GLI2: variants seen among roughly 807,000 people sequenced by gnomAD.
GLI2 encodes the protein transcription activator GLI2.
In GLI2, 22 loss-of-function variants were observed where a neutral mutation model predicts 78.9. The observed-to-expected ratio is 0.28, with a 90% CI of 0.20 to 0.40. GLI2 has a LOEUF of 0.40. Among genes scored for constraint, GLI2 ranks in the 10% least tolerant of loss-of-function variants. The pLI is 1.00. For synonymous variants in GLI2, 974 were observed against 963.7 expected, an observed-to-expected ratio of 1.01 and a Z score of -0.20; for missense variants, 2,097 against 2,213.2, an observed-to-expected ratio of 0.95 and a Z score of 1.05.
At chr2:120,952,843 A>T (rs1318036471) in intron 4 of GLI2, among the ~76,000 whole-genome samples, 1 of 152,210 alleles carries the variant, frequency 6.6e-6, no homozygotes, top group African/African-American at 2.4e-5. Context: ...CTGGGATTAT[A>T]GGTGTGAGCC....
At chr2:120,924,273 G>A (rs997100528) in intron 2 of GLI2, among the ~76,000 whole-genome samples, 3 of 152,184 alleles carry the variant, frequency 2.0e-5, no homozygotes, top group African/African-American at 7.2e-5. Flanking sequence ...GTTAACTAAA[G>A]TACATAGCAA....
intron 2 of GLI2, among the ~76,000 whole-genome samples, chr2:120,922,538 C>T (rs1475628049): frequency 2.0e-5 from 3 of 152,178 alleles, no homozygotes; most frequent in Non-Finnish European, 4.4e-5. Flanking sequence ...TAGAGTCCCA[C>T]CACCCTGAGC....
Position 120,988,731 on chromosome 2 carries a change from T to C in GLI2, c.2766T>C (p.Arg922=), listed in dbSNP as rs1192212133. Residue 922 remains arginine (R), a synonymous_variant, in exon 14 of 14, where the codon CGT becomes CGC. Transcript: ENST00000361492. ...AGCPRPLGPR[R]GSDGPTYGHG... Reference sequence around the variant, plus strand: ...GCCCACGCCCACTGGGGCCGCGGCGTGGCAGCGACGGGCCGACCTATGGCC... The same window carrying C: ...GCCCACGCCCACTGGGGCCGCGGCGCGGCAGCGACGGGCCGACCTATGGCC... 80 of 1,196,606 alleles carry C rather than the reference T, an allele frequency of 6.7e-5. No homozygotes were observed. The highest frequency in any genetic ancestry group is 8.2e-5 in the Non-Finnish European group (79 of 963,596). The allele number at this position is 1,196,606 out of a possible 1,614,324, so 74.1% of individuals were successfully genotyped here. A position where few individuals can be genotyped will look rare whatever the true frequency, so the allele number is the denominator to read the frequency against.
chr2:120,932,737 G>A (rs1427329476), intron 3 of GLI2, among the ~76,000 whole-genome samples: 1 of 152,222 alleles, frequency 6.6e-6, no homozygotes, highest in Non-Finnish European at 1.5e-5. Flanking sequence ...CAATGGATAT[G>A]AGCAACAATC....
At chr2:120,892,707 T>A (rs112109762) in intron 2 of GLI2, among the ~76,000 whole-genome samples, 75 of 152,346 alleles carry the variant, frequency 4.9e-4, no homozygotes, top group South Asian at 4.1e-3. Context: ...AACTGGTGTG[T>A]AAATACCCCA....
intron 1 of GLI2, among the ~76,000 whole-genome samples, chr2:120,793,635 G>A (rs1228180667): frequency 6.6e-6 from 1 of 152,176 alleles, no homozygotes; most frequent in African/African-American, 2.4e-5. Context: ...GTGGGAAGGC[G>A]AGGCCACGGA....
intron 2 of GLI2, among the ~76,000 whole-genome samples, chr2:120,859,549 G>A (rs1687811856): frequency 1.3e-5 from 2 of 150,908 alleles, no homozygotes; most frequent in Admixed American, 6.6e-5. Context: ...CTGCCTCCCG[G>A]GTTCAAGTGA....
chr2:120,741,426 C>A (rs1020607932), intron 1 of GLI2, among the ~76,000 whole-genome samples: 2 of 151,942 alleles, frequency 1.3e-5, no homozygotes, highest in Non-Finnish European at 2.9e-5. Flanking sequence ...CCCTTTCTCT[C>A]TCTTCTGTCC....
At chr2:120,829,674 C>T (rs1054587614) in intron 2 of GLI2, among the ~76,000 whole-genome samples, 2 of 152,226 alleles carry the variant, frequency 1.3e-5, no homozygotes, top group Non-Finnish European at 2.9e-5. Flanking sequence ...CATCCGTTCT[C>T]CAAGTGCTGA....
intron 2 of GLI2, among the ~76,000 whole-genome samples, chr2:120,804,474 G>A (rs908792194): frequency 4.6e-5 from 7 of 152,240 alleles, no homozygotes; most frequent in Non-Finnish European, 1.0e-4. Flanking sequence ...GAGGCTGGCC[G>A]TGGTCTTTGG....
chr2:120,750,928 G>C (rs569709605), intron 1 of GLI2, among the ~76,000 whole-genome samples: 13 of 152,362 alleles, frequency 8.5e-5, no homozygotes, highest in African/African-American at 2.6e-4. Context: ...GGATGCCCCG[G>C]TACCGCCTGC....
At chr2:120,832,756 G>C (rs1243534985) in intron 2 of GLI2, among the ~76,000 whole-genome samples, 1 of 152,182 alleles carries the variant, frequency 6.6e-6, no homozygotes, top group Non-Finnish European at 1.5e-5. Flanking sequence ...GTGATGGGCA[G>C]GTCACGTCAC....
intron 2 of GLI2, among the ~76,000 whole-genome samples, chr2:120,806,740 G>T (rs776086738): frequency 2.0e-5 from 3 of 152,214 alleles, no homozygotes; most frequent in Non-Finnish European, 4.4e-5. Context: ...GGTCCCGGAG[G>T]CTCCACTGAA....
At chr2:120,865,624 C>T (rs1358494690) in intron 2 of GLI2, among the ~76,000 whole-genome samples, 3 of 152,142 alleles carry the variant, frequency 2.0e-5, no homozygotes, top group African/African-American at 2.4e-5. Context: ...TGTAAGTGAC[C>T]GGGACAAACC....
chr2:120,898,215 C>CACACACACAA (rs1447294546), intron 2 of GLI2, among the ~76,000 whole-genome samples: 8 of 150,936 alleles, frequency 5.3e-5, no homozygotes, highest in African/African-American at 1.9e-4. Context: ...CACACACACA[C>CACACACACAA]AAAATGATTG....
At chr2:120,770,774 G>C (rs1277066592) in intron 1 of GLI2, among the ~76,000 whole-genome samples, 1 of 152,180 alleles carries the variant, frequency 6.6e-6, no homozygotes, top group Non-Finnish European at 1.5e-5. Context: ...CAGCGGGCCA[G>C]GTGCCTGTTG....
rs182730306 is a variant in GLI2 at position 120,861,573 on chromosome 2, G to A, written c.148+64105G>A. Among the ~76,000 whole-genome samples the A allele has an allele frequency of 3.3e-5, 5 of 152,352 alleles. No individual in the cohort carries two copies. In the East Asian group the frequency reaches 9.6e-4, roughly 29 times the overall value. ...CAAGTGGTTCAGTCTCCAAGCCTGG[G>A]CTGCTCTTGGGCCCTCTTGAGAATT... On this transcript the variant is annotated intron_variant, in intron 2 of 13. Coordinates refer to ENST00000361492, the MANE Select transcript of GLI2 (RefSeq NM_001374353.1).
At chr2:120,833,837 A>G (rs956448916) in intron 2 of GLI2, among the ~76,000 whole-genome samples, 14 of 152,208 alleles carry the variant, frequency 9.2e-5, no homozygotes, top group East Asian at 7.7e-4. Context: ...AGTAGAACCC[A>G]CAAACCCAGT....
intron 2 of GLI2, among the ~76,000 whole-genome samples, chr2:120,845,710 A>G (rs896074374): frequency 9.9e-5 from 15 of 152,178 alleles, no homozygotes; most frequent in African/African-American, 2.7e-4. Context: ...CCTGATTGGA[A>G]TCATGGGATG....
Sources: allele counts gnomAD v4.1 joint callset (sites outside exome capture counted in the v4.1 genomes callset), GRCh38; gene constraint gnomAD v4.1.1; transcripts MANE v1.5; gene names NCBI Gene and HGNC (gene_info 2026-07-23, HGNC 2026-07-21).